The following AGPAT5 variants were observed in gnomAD, a reference collection of about 807,000 sequenced individuals.
The protein encoded by AGPAT5 is 1-acylglycerol-3-phosphate O-acyltransferase 5.
AGPAT5 carries 46 observed loss-of-function variants against 45.6 expected under a neutral mutation model. The ratio of observed to expected loss-of-function variants is 1.01; its 90% confidence interval spans 0.80 to 1.29. The LOEUF (loss-of-function observed/expected upper bound fraction) is 1.29, where lower values mean the gene tolerates loss of function less well. AGPAT5 is among the 50% of genes most tolerant of loss of function. AGPAT5 has a pLI of 0.00. For synonymous variants in AGPAT5, 272 were observed against 167.0 expected, an observed-to-expected ratio of 1.63 and a Z score of -4.85; for missense variants, 673 against 450.7, an observed-to-expected ratio of 1.49 and a Z score of -4.47.
At chr8:6,716,690 G>A (rs138049342) in intron 1 of AGPAT5, among the ~76,000 whole-genome samples, 1,676 of 152,044 alleles carry the variant, frequency 0.011, 30 homozygotes, top group African/African-American at 0.038. Flanking sequence ...AAAATTAGCC[G>A]GGCGTGGTGG....
At chr8:6,715,754 T>G (rs947060451) in intron 1 of AGPAT5, among the ~76,000 whole-genome samples, 2 of 152,224 alleles carry the variant, frequency 1.3e-5, no homozygotes, top group African/African-American at 2.4e-5. Context: ...ATTAGAGACG[T>G]GTTTATTAAC....
At chr8:6,756,433 C>G (rs953200328) in intron 7 of AGPAT5, among the ~76,000 whole-genome samples, 8 of 152,126 alleles carry the variant, frequency 5.3e-5, no homozygotes, top group Admixed American at 2.6e-4. Flanking sequence ...TCAAGACAGC[C>G]TGGGCAACAT....
rs550426903 is a variant in AGPAT5, at chr8:6,753,251, A to G, written c.746-1800A>G. 3.5e-4 allele frequency among the ~76,000 whole-genome samples: 54 copies of G among 152,302 alleles called. 1 individual carries two copies. In the South Asian group the frequency reaches 0.011, roughly 31 times the overall value. On this transcript the variant is annotated intron_variant, in intron 6 of 7. Transcript: ENST00000285518. ...TGCCACGTCCTGAGCACTGTACTCC[A>G]CGAAGCATTCTATTTCTGACATTCG...
rs570900509 is a variant in AGPAT5, at chr8:6,760,727, T to C, written c.*3339T>C. On this transcript the variant is annotated 3_prime_UTR_variant, in exon 8 of 8. Transcript: ENST00000285518. ...CTTTTGGGCCAGTTTTCATTACGAG[T>C]AACTCACACTTTTTGATTAAAGAAC... Among the ~76,000 whole-genome samples, 1 of 152,308 alleles carries C rather than the reference T, an allele frequency of 6.6e-6. No individual in the cohort carries two copies. The highest frequency in any genetic ancestry group is 1.5e-5 in the Non-Finnish European group (1 of 68,026).
intron 2 of AGPAT5, among the ~76,000 whole-genome samples, chr8:6,725,446 A>G (rs1241657815): frequency 6.6e-6 from 1 of 152,210 alleles, no homozygotes; most frequent in African/African-American, 2.4e-5. Flanking sequence ...ATTGCAGAGA[A>G]CTGGTCTTCA....
intron 4 of AGPAT5, among the ~76,000 whole-genome samples, chr8:6,734,775 G>T (rs185009771): frequency 4.6e-5 from 7 of 152,072 alleles, no homozygotes; most frequent in African/African-American, 1.4e-4. Context: ...TAGTGTTGAG[G>T]AGTGGAGTCA....
rs769003705 is a variant in AGPAT5 at position 6,708,694 on chromosome 8, C to G, written c.26C>G (p.Thr9Arg). Residue 9 changes from threonine (T) to arginine (R), a missense_variant, in exon 1 of 8, where the codon ACG (threonine) becomes AGG (arginine). Coordinates refer to ENST00000285518, the MANE Select transcript of AGPAT5 (RefSeq NM_018361.5). ...ATGCTGCTGTCCCTGGTGCTCCACA[C>G]GTACTCCATGCGCTACCTGCTGCCC... MLLSLVLH[T>R]YSMRYLLPSV... The G allele has an allele frequency of 1.2e-6, 2 of 1,603,550 alleles. No individual in the cohort carries two copies. Among genetic ancestry groups the G allele is most frequent in the African/African-American group, 1.3e-5 (1 of 74,990 alleles).
chr8:6,745,659 G>A (rs770671212), intron 5 of AGPAT5: 1 of 150,232 alleles, frequency 6.7e-6, no homozygotes, highest in Non-Finnish European at 1.5e-5. Flanking sequence ...GTATTACATT[G>A]GTTTCCCCCC....
chr8:6,723,717 C>T (rs1233754890), intron 1 of AGPAT5, among the ~76,000 whole-genome samples: 1 of 152,190 alleles, frequency 6.6e-6, no homozygotes, highest in African/African-American at 2.4e-5. Context: ...AAACATACTA[C>T]ATACATAGCA....
intron 2 of AGPAT5, among the ~76,000 whole-genome samples, chr8:6,729,891 G>C (rs915040997): frequency 2.6e-5 from 4 of 152,100 alleles, no homozygotes; most frequent in African/African-American, 9.7e-5. Flanking sequence ...TACATAAGGA[G>C]CACATATATC....
chr8:6,710,471 G>C (rs552169094), intron 1 of AGPAT5, among the ~76,000 whole-genome samples: 1 of 152,318 alleles, frequency 6.6e-6, no homozygotes, highest in African/African-American at 2.4e-5. Flanking sequence ...TGTTTAATGT[G>C]TGTTCCTTGA....
chr8:6,727,312 T>C (rs1184017620), intron 2 of AGPAT5, among the ~76,000 whole-genome samples: 1 of 152,162 alleles, frequency 6.6e-6, no homozygotes, highest in Non-Finnish European at 1.5e-5. Flanking sequence ...CTTATTTCTC[T>C]CTCGAGTCAG....
chr8:6,741,944 A>G (rs916245622), intron 5 of AGPAT5, among the ~76,000 whole-genome samples, 193 bp downstream of exon 5: 2 of 152,178 alleles, frequency 1.3e-5, no homozygotes, highest in Non-Finnish European at 2.9e-5. Context: ...ATTATTACAT[A>G]TATCTGAGAA....
At chr8:6,743,389 C>G (rs540952174) in intron 5 of AGPAT5, among the ~76,000 whole-genome samples, 12 of 152,338 alleles carry the variant, frequency 7.9e-5, no homozygotes, top group Admixed American at 5.9e-4. Context: ...CTTCGCTTGA[C>G]TGGCCCAAAA....
At chr8:6,746,344 A>G (rs186518959) in intron 5 of AGPAT5, 1 of 152,330 alleles carries the variant, frequency 6.6e-6, no homozygotes, top group Non-Finnish European at 1.5e-5. Flanking sequence ...GCCTAGTCAC[A>G]AAGCTATTTT....
chr8:6,757,477 A>C lies in AGPAT5; in HGVS notation c.*89A>C. The C allele has an allele frequency of 3.0e-6, 3 of 999,710 alleles. No homozygotes were observed. Among genetic ancestry groups the C allele is most frequent in the Non-Finnish European group, 4.6e-6 (3 of 652,868 alleles). 61.9% of individuals were successfully genotyped at this position (999,710 alleles called of 1,614,324 possible). ...CATCAAATTGTTTCCTGAATTTATT[A>C]AGGAGTGTAAATAAAGCCTTGTTGA... is the stretch of plus-strand genomic sequence containing the variant. On this transcript the variant is annotated 3_prime_UTR_variant, in exon 8 of 8. Transcript: ENST00000285518.
chr8:6,748,600 G>A (rs1475430664), intron 6 of AGPAT5, among the ~76,000 whole-genome samples: 2 of 152,090 alleles, frequency 1.3e-5, no homozygotes, highest in South Asian at 2.1e-4. Context: ...CGCCTCCCAC[G>A]TTCACACGAT....
At chr8:6,735,432 T>C (rs1202839539) in intron 4 of AGPAT5, among the ~76,000 whole-genome samples, 1 of 152,204 alleles carries the variant, frequency 6.6e-6, no homozygotes, top group Non-Finnish European at 1.5e-5. Context: ...TGCTGCATTC[T>C]CCTTGTGTCT....
chr8:6,709,902 G>C (rs2116839038), intron 1 of AGPAT5, among the ~76,000 whole-genome samples: 1 of 152,090 alleles, frequency 6.6e-6, no homozygotes, highest in East Asian at 1.9e-4. Context: ...TCCTTGGAAA[G>C]AAAAAAAGAT....
Sources: allele counts gnomAD v4.1 joint callset (sites outside exome capture counted in the v4.1 genomes callset), GRCh38; gene constraint gnomAD v4.1.1; transcripts MANE v1.5; gene names NCBI Gene and HGNC (gene_info 2026-07-23, HGNC 2026-07-21).